Variants in HTRA1 observed in about 807,000 individuals in gnomAD.
HTRA1 encodes the protein HtrA serine peptidase 1, also known as serine protease HTRA1.
A neutral mutation model predicts 49.7 loss-of-function variants in HTRA1; 26 were observed. The observed-to-expected ratio is 0.52, with a 90% CI of 0.38 to 0.73. The LOEUF (loss-of-function observed/expected upper bound fraction) is 0.73. Ranked by LOEUF, HTRA1 falls within the 30% of genes least tolerant of loss-of-function variation. The pLI is 0.00. For missense variants in HTRA1, 561 were observed against 667.2 expected, an observed-to-expected ratio of 0.84 and a Z score of 1.75; for synonymous variants, 291 against 286.9, an observed-to-expected ratio of 1.01 and a Z score of -0.14.
chr10:122,512,886 T>C (rs375199063), intron 8 of HTRA1, among the ~76,000 whole-genome samples: 101 of 152,292 alleles, frequency 6.6e-4, no homozygotes, highest in African/African-American at 2.2e-3. Flanking sequence ...CCAGAGTCCA[T>C]TGTATCATTC....
intron 1 of HTRA1, among the ~76,000 whole-genome samples, chr10:122,466,135 CT>C (rs935390895): frequency 4.6e-5 from 7 of 152,110 alleles, no homozygotes; most frequent in African/African-American, 1.4e-4. Flanking sequence ...TAGATGGTTG[CT>C]TTACTTCTTG....
intron 1 of HTRA1, among the ~76,000 whole-genome samples, chr10:122,471,749 C>G (rs1288849769): frequency 6.6e-6 from 1 of 152,212 alleles, no homozygotes; most frequent in Non-Finnish European, 1.5e-5. Context: ...TCCTGAGACC[C>G]AGGGCTGAGC....
At position 122,472,369 on chromosome 10, in the gene HTRA1, CTATTATTATTATTATTATTAT is replaced by C. The variant is rs56115456; in HGVS notation, c.472+10268_472+10288del. Reference sequence around the variant, plus strand: ...CCCCAGAAATATCATTTCTTTATTACTATTATTATTATTATTATTATTATTATTATTATTATTATTATTTTG... The same window carrying C: ...CCCCAGAAATATCATTTCTTTATTACTATTATTATTATTATTATTATTTTG... On this transcript the variant is annotated intron_variant, in intron 1 of 8. Transcript: ENST00000368984. 0.013 allele frequency among the ~76,000 whole-genome samples: 1,817 copies of C among 141,810 alleles called. 83 individuals are homozygous for C. In the East Asian group the frequency reaches 0.16, roughly 12 times the overall value. 93.0% of individuals were successfully genotyped at this position (141,810 alleles called of 152,430 possible). A position where few individuals can be genotyped will look rare whatever the true frequency, so the allele number is the denominator to read the frequency against.
At chr10:122,495,407 A>G (rs1021915501) in intron 3 of HTRA1, among the ~76,000 whole-genome samples, 1 of 152,170 alleles carries the variant, frequency 6.6e-6, no homozygotes, top group Non-Finnish European at 1.5e-5. Context: ...GGGGACGGGA[A>G]TCAATATTTC....
Position 122,462,065 on chromosome 10 carries a change from G to A in HTRA1, c.413G>A (p.Arg138His). ...TGCCAGCTGCGCGCCGCCAGCCGCCGCTCCGAGAGGCTGCACCGGCCGCCG... is the reference window on the plus strand; with the variant it reads ...TGCCAGCTGCGCGCCGCCAGCCGCCACTCCGAGAGGCTGCACCGGCCGCCG... ...NLCQLRAASRRSERLHRPPVI... is the reference protein window; with the variant it reads ...NLCQLRAASRHSERLHRPPVI... The change falls in exon 1 of 9, where the codon CGC (arginine) becomes CAC (histidine). Residue 138 changes from arginine to histidine, a missense_variant. Physicochemically the swap from Arg to His is conservative, Grantham distance 29. Around this residue, in one of 3 missense-constraint regions of HTRA1, gnomAD observed 271 missense variants for 410.0 expected, o/e 0.66. Coordinates refer to ENST00000368984, the MANE Select transcript of HTRA1 (RefSeq NM_002775.5). 1 of 1,535,786 alleles carries A rather than the reference G, an allele frequency of 6.5e-7. No homozygotes were observed. The highest frequency in any genetic ancestry group is 1.2e-5 in the South Asian group (1 of 84,062).
chr10:122,498,620 C>T (rs736960), intron 3 of HTRA1, among the ~76,000 whole-genome samples: 128,674 of 151,918 alleles, frequency 0.85, 54,835 homozygotes, highest in Non-Finnish European at 0.9. Context: ...TATCAATGGG[C>T]CATTGCTTTT....
intron 5 of HTRA1, 67 bp from the exon 6 acceptor site, chr10:122,508,589 C>G: frequency 9.9e-7 from 1 of 1,007,612 alleles, no homozygotes; most frequent in Non-Finnish European, 1.6e-6. Context: ...CAGGCATATT[C>G]TCTCTGGGTG....
chr10:122,474,061 A>G (rs1396962993), intron 1 of HTRA1, among the ~76,000 whole-genome samples: 1 of 152,182 alleles, frequency 6.6e-6, no homozygotes, highest in East Asian at 1.9e-4. Context: ...ACTGGAAGAA[A>G]CTGTAGCACC....
intron 1 of HTRA1, among the ~76,000 whole-genome samples, chr10:122,475,089 C>A (rs762568993): frequency 1.1e-4 from 17 of 152,228 alleles, no homozygotes; most frequent in Admixed American, 3.3e-4. Context: ...CCCGAAAGCA[C>A]ATTTCGAATC....
At position 122,464,627 on chromosome 10, in the gene HTRA1, T is replaced by G. The variant is rs1356400058; in HGVS notation, c.472+2503T>G. Among the ~76,000 whole-genome samples, 1 of 152,186 alleles carries G rather than the reference T, an allele frequency of 6.6e-6. No individual in the cohort carries two copies. The highest frequency in any genetic ancestry group is 2.4e-5 in the African/African-American group (1 of 41,454). On this transcript the variant is annotated intron_variant, in intron 1 of 8. Coordinates refer to ENST00000368984, the MANE Select transcript of HTRA1 (RefSeq NM_002775.5). This position sits in a 1 kb window ranked among gnomAD's most constrained non-coding sequence, Gnocchi z 4.8. ...TTTTTCCTTAGTGGAAGGCACTGCT[T>G]TGCTGCGCCCCCTCTCTGGATCTCA... is the stretch of plus-strand genomic sequence containing the variant.
At chr10:122,466,672 G>A (rs1487040481) in intron 1 of HTRA1, among the ~76,000 whole-genome samples, 1 of 152,150 alleles carries the variant, frequency 6.6e-6, no homozygotes, top group Non-Finnish European at 1.5e-5. Flanking sequence ...GTTAAAGTGG[G>A]CAGTTTGCTC....
intron 3 of HTRA1, among the ~76,000 whole-genome samples, chr10:122,497,137 C>T (rs79369894): frequency 0.047 from 7,220 of 152,156 alleles, 236 homozygotes; most frequent in Non-Finnish European, 0.066. Flanking sequence ...AATAAACATG[C>T]GAATTAACAG....
At chr10:122,466,285 C>G (rs1265257047) in intron 1 of HTRA1, among the ~76,000 whole-genome samples, 1 of 152,172 alleles carries the variant, frequency 6.6e-6, no homozygotes, top group Non-Finnish European at 1.5e-5. Context: ...CCTGCCTTAG[C>G]CTCCAGAGTA....
chr10:122,475,056 C>A (rs2097487809), intron 1 of HTRA1, among the ~76,000 whole-genome samples: 1 of 152,182 alleles, frequency 6.6e-6, no homozygotes, highest in Non-Finnish European at 1.5e-5. Context: ...GTGAGGGGTT[C>A]ACAGCCAGCT....
intron 1 of HTRA1, among the ~76,000 whole-genome samples, chr10:122,484,457 G>T (rs946643533): frequency 1.3e-5 from 2 of 152,140 alleles, no homozygotes; most frequent in African/African-American, 2.4e-5. Flanking sequence ...TGACGACGTC[G>T]TTAGGAGGCG....
chr10:122,461,620 T>C lies in HTRA1; in HGVS notation c.-33T>C. 2.4e-6 allele frequency: 3 copies of C among 1,262,214 alleles called. No individual in the cohort carries two copies. Among genetic ancestry groups the C allele is most frequent in the South Asian group, 1.4e-5 (1 of 72,772 alleles). 78.2% of individuals were successfully genotyped at this position (1,262,214 alleles called of 1,614,324 possible). The stretch of plus-strand genomic sequence containing the variant: ...GCGCCGCTCTCCGGCCCTCGCCCTG[T>C]CCGCCGCCACCGCCGCCGCCGCCAG... On this transcript the variant is annotated 5_prime_UTR_variant, in exon 1 of 9. Transcript: ENST00000368984.
rs1256315952 is a variant in HTRA1 at position 122,487,636 on chromosome 10, G to A, written c.473-1266G>A. On this transcript the variant is annotated intron_variant, in intron 1 of 8. Coordinates refer to ENST00000368984, the MANE Select transcript of HTRA1 (RefSeq NM_002775.5). This position sits in a 1 kb window ranked among gnomAD's most constrained non-coding sequence, Gnocchi z 4.8. ...TCACTGAGCAACAGGGATACGTTCT[G>A]AGAAATGCGTCGTTAGGCGATTTCA... 6.6e-6 allele frequency among the ~76,000 whole-genome samples: 1 copy of A among 152,200 alleles called. No homozygotes were observed. Among genetic ancestry groups the A allele is most frequent in the Non-Finnish European group, 1.5e-5 (1 of 68,038 alleles).
chr10:122,484,469 C>T (rs190712214), intron 1 of HTRA1, among the ~76,000 whole-genome samples: 22 of 152,268 alleles, frequency 1.4e-4, no homozygotes, highest in Admixed American at 2.0e-4. Context: ...TAGGAGGCGC[C>T]GAGGTGGCTG....
chr10:122,501,224 G>A (rs892995462), intron 3 of HTRA1, among the ~76,000 whole-genome samples: 5 of 152,126 alleles, frequency 3.3e-5, no homozygotes, highest in Non-Finnish European at 7.4e-5. Flanking sequence ...GGAAGATGCC[G>A]GACACGCGCC....
Sources: gnomAD v4.1 joint callset for allele counts (sites outside exome capture counted in the v4.1 genomes callset) on GRCh38, gnomAD v4.1.1 for gene constraint, gnomAD v4.1.1 regional missense constraint, Gnocchi (gnomAD v3.1) non-coding constraint, MANE v1.5 for transcripts, NCBI Gene and HGNC (gene_info 2026-07-23, HGNC 2026-07-21) for gene names.